PDE8A: variants seen among roughly 807,000 people sequenced by gnomAD.
The protein encoded by PDE8A is high affinity cAMP-specific and IBMX-insensitive 3',5'-cyclic phosphodiesterase 8A.
A neutral mutation model predicts 105.0 loss-of-function variants in PDE8A; 59 were observed. That is an observed-to-expected ratio of 0.56 (90% CI 0.46 to 0.70). PDE8A has a LOEUF of 0.70. Ranked by LOEUF, PDE8A falls within the 30% of genes least tolerant of loss-of-function variation. The probability of loss-of-function intolerance (pLI) is 0.00; values close to 1 mark genes in which losing one functional copy is unlikely to be tolerated. For synonymous variants in PDE8A, 355 were observed against 371.9 expected, an observed-to-expected ratio of 0.95 and a Z score of 0.52; for missense variants, 1,014 against 1,045.9, an observed-to-expected ratio of 0.97 and a Z score of 0.42.
intron 3 of PDE8A, 28 bp from the exon 4 acceptor site, chr15:85,075,834 T>C (rs2081372303): frequency 1.6e-6 from 2 of 1,264,080 alleles, no homozygotes; most frequent in Admixed American, 4.1e-5. Context: ...TTTTTATATT[T>C]ATTTTAAAGT....
At chr15:84,993,300 G>T (rs962016077) in intron 1 of PDE8A, among the ~76,000 whole-genome samples, 1 of 151,862 alleles carries the variant, frequency 6.6e-6, no homozygotes, top group Non-Finnish European at 1.5e-5. Flanking sequence ...AAAATTAGCC[G>T]GGTGTGGTGG....
intron 8 of PDE8A, among the ~76,000 whole-genome samples, chr15:85,097,319 G>A (rs558908950): frequency 6.0e-4 from 92 of 152,212 alleles, no homozygotes; most frequent in Admixed American, 1.0e-3. Flanking sequence ...CTTTCCCCAG[G>A]CTGCACTTCC....
intron 1 of PDE8A, among the ~76,000 whole-genome samples, chr15:84,997,889 C>A (rs1418440719): frequency 1.3e-5 from 2 of 152,232 alleles, no homozygotes; most frequent in African/African-American, 4.8e-5. Context: ...AGCCACTGCG[C>A]CCAGCCATGT....
rs2082449912 is a variant in PDE8A at position 85,138,521 on chromosome 15, A to G, written c.*618A>G. On this transcript the variant is annotated 3_prime_UTR_variant, in exon 22 of 22. Transcript: ENST00000394553. ...AAGCCAACTTCAAATACCGTGACCA[A>G]ATTTACATGATTCATATTCATTATG... 6.6e-6 allele frequency: 1 copy of G among 152,670 alleles called. No homozygotes were observed. The highest frequency in any genetic ancestry group is 1.5e-5 in the Non-Finnish European group (1 of 68,042). The allele number at this position is 152,670 out of a possible 1,614,324, so 9.5% of individuals were successfully genotyped here. A position where few individuals can be genotyped will look rare whatever the true frequency, so the allele number is the denominator to read the frequency against.
intron 3 of PDE8A, among the ~76,000 whole-genome samples, chr15:85,074,226 A>C (rs1355486216): frequency 1.3e-5 from 2 of 152,234 alleles, no homozygotes; most frequent in African/African-American, 4.8e-5. Context: ...ATGAAGCCCG[A>C]ATCCCTACAG....
At chr15:85,035,255 C>CTGG (rs1214275026) in intron 1 of PDE8A, among the ~76,000 whole-genome samples, 2 of 122,610 alleles carry the variant, frequency 1.6e-5, no homozygotes, top group Non-Finnish European at 1.6e-5. Context: ...GTCACCCAGG[C>CTGG]TGGAGTGCAA....
At chr15:84,980,869 T>C (rs1301653559), upstream of PDE8A, among the ~76,000 whole-genome samples, 1 of 152,168 alleles carries the variant, frequency 6.6e-6, no homozygotes, top group African/African-American at 2.4e-5. Flanking sequence ...TGCCCGGTGC[T>C]GTAGCTTTGC....
At chr15:85,100,476 A>G (rs1011938762) in intron 11 of PDE8A, among the ~76,000 whole-genome samples, 1 of 152,238 alleles carries the variant, frequency 6.6e-6, no homozygotes, top group African/African-American at 2.4e-5. Context: ...GTGTGGTTTT[A>G]TAACCTGATT....
intron 6 of PDE8A, among the ~76,000 whole-genome samples, chr15:85,085,701 AT>A (rs1350954307): frequency 1.4e-5 from 2 of 147,738 alleles, no homozygotes; most frequent in Non-Finnish European, 3.0e-5. Context: ...AGACTTGGAT[AT>A]ATTTAAGAAT....
intron 20 of PDE8A, among the ~76,000 whole-genome samples, chr15:85,134,317 G>A (rs942474113): frequency 2.6e-5 from 4 of 152,190 alleles, no homozygotes; most frequent in African/African-American, 4.8e-5. Flanking sequence ...AGGGTCTAGC[G>A]TGACCAAGGG....
intron 20 of PDE8A, among the ~76,000 whole-genome samples, chr15:85,134,184 C>T (rs1323320852): frequency 1.3e-5 from 2 of 152,230 alleles, no homozygotes; most frequent in South Asian, 4.1e-4. Context: ...CTTCAGCCAG[C>T]CAGCTGCTTA....
intron 1 of PDE8A, among the ~76,000 whole-genome samples, chr15:85,052,613 A>C (rs1342835396): frequency 1.3e-5 from 2 of 152,166 alleles, no homozygotes; most frequent in African/African-American, 4.8e-5. Flanking sequence ...TGGCTGCATA[A>C]ATGTCTTCTT....
chr15:85,136,208 T>C (rs1248665536), intron 20 of PDE8A, among the ~76,000 whole-genome samples: 5 of 152,204 alleles, frequency 3.3e-5, no homozygotes, highest in Admixed American at 2.0e-4. Context: ...TCAGTTTCTT[T>C]AGGTCAATAC....
chr15:85,115,458 CAG>C lies in PDE8A; in HGVS notation c.1371_1372del (p.Gly458GlufsTer2), dbSNP rs2082081043. 9 of 1,542,560 alleles carry C rather than the reference CAG, an allele frequency of 5.8e-6. No homozygotes were observed. The highest frequency in any genetic ancestry group is 1.2e-5 in the South Asian group (1 of 80,906). Reference sequence around the variant, plus strand: ...TATCAGGATGGTTTGCGAAGACTATCAGGGAATGAATATGTTCTTTCAACAAA... The same window carrying C: ...TATCAGGATGGTTTGCGAAGACTATCGGAATGAATATGTTCTTTCAACAAA... On this transcript the variant is annotated frameshift_variant, in exon 15 of 22. Coordinates refer to ENST00000394553, the MANE Select transcript of PDE8A (RefSeq NM_002605.3). LOFTEE classifies it high-confidence loss of function.
At chr15:85,015,419 C>T (rs2080308868) in intron 1 of PDE8A, among the ~76,000 whole-genome samples, 1 of 152,050 alleles carries the variant, frequency 6.6e-6, no homozygotes, top group African/African-American at 2.4e-5. Context: ...GGTGCCCAGG[C>T]AGGTCTCAAA....
chr15:85,093,805 T>TA (rs1477357263), intron 8 of PDE8A, among the ~76,000 whole-genome samples: 1 of 152,174 alleles, frequency 6.6e-6, no homozygotes, highest in East Asian at 1.9e-4. Flanking sequence ...TTAGAACCCA[T>TA]AGTCTCCCAT....
intron 20 of PDE8A, among the ~76,000 whole-genome samples, chr15:85,128,052 C>CAAAAAA (rs61221393): frequency 2.4e-3 from 138 of 56,884 alleles, no homozygotes; most frequent in East Asian, 3.1e-3. Flanking sequence ...TATTCCTATG[C>CAAAAAA]AAAAAAAAAA....
chr15:85,114,086 T>G (rs777080913), intron 14 of PDE8A, 49 bp downstream of exon 14: 4 of 1,529,180 alleles, frequency 2.6e-6, no homozygotes, highest in Non-Finnish European at 2.7e-6. Context: ...TGTTCTTGGT[T>G]GTTTTCTCAG....
chr15:85,018,354 T>A (rs144241422), intron 1 of PDE8A, among the ~76,000 whole-genome samples: 29 of 152,338 alleles, frequency 1.9e-4, no homozygotes, highest in African/African-American at 7.0e-4. Flanking sequence ...CCTTGAGGAT[T>A]TTTTGTTGTT....
Sources: allele counts gnomAD v4.1 joint callset (sites outside exome capture counted in the v4.1 genomes callset), GRCh38; gene constraint gnomAD v4.1.1; transcripts MANE v1.5; gene names NCBI Gene and HGNC (gene_info 2026-07-23, HGNC 2026-07-21).